Variants in TFAP2B observed in about 807,000 individuals in gnomAD.
TFAP2B encodes transcription factor AP-2-beta.
Under a neutral mutation model 44.3 loss-of-function variants are expected in TFAP2B, and 9 were observed. That is an observed-to-expected ratio of 0.20 (90% confidence interval 0.12 to 0.35). The LOEUF (loss-of-function observed/expected upper bound fraction) is 0.35, where lower values mean the gene tolerates loss of function less well. TFAP2B is among the 10% of genes least tolerant of loss of function. TFAP2B has a pLI of 1.00. For missense variants in TFAP2B, 509 were observed against 600.0 expected (o/e 0.85, Z 1.59); for synonymous variants, 270 against 263.8 (o/e 1.02, Z -0.23).
chr6:50,826,056 GCTCAACACAGAAGGATCCA>G (rs1770495286), intron 2 of TFAP2B, among the ~76,000 whole-genome samples: 1 of 152,170 alleles, frequency 6.6e-6, no homozygotes, highest in South Asian at 2.1e-4. Flanking sequence ...CCAATCATCT[GCTCAACACAGAAGGATCCA>G]CTTCCGAGTT....
At chr6:50,831,496 C>G (rs1468950135) in intron 3 of TFAP2B, among the ~76,000 whole-genome samples, 5 of 152,060 alleles carry the variant, frequency 3.3e-5, no homozygotes, top group African/African-American at 1.2e-4. Flanking sequence ...TTAAACTCTC[C>G]TAATCTAAAC....
chr6:50,836,324 CAAAA>C (rs997390569), intron 4 of TFAP2B, 44 bp downstream of exon 4: 2 of 1,517,260 alleles, frequency 1.3e-6, no homozygotes. Context: ...AAAAAACAAA[CAAAA>C]ACCCACCAGT....
In TFAP2B at chr6:50,824,973, G is replaced by A. The variant is rs9381904; in HGVS notation, c.540+1108G>A. Among the ~76,000 whole-genome samples the A allele has an allele frequency of 3.7e-4, 56 of 152,230 alleles. 1 individual carries two copies. In the East Asian group the frequency reaches 0.011, roughly 29 times the overall value. On this transcript the variant is annotated intron_variant, in intron 2 of 6. Coordinates refer to ENST00000393655, the MANE Select transcript of TFAP2B (RefSeq NM_003221.4). ...ATTATGCATCCTTTGACATACCTCT[G>A]AAGCAAAGGAAAATAAAATGGGAAA...
intron 5 of TFAP2B, 40 bp from the exon 6 acceptor site, chr6:50,840,116 C>T (rs779067627): frequency 1.2e-6 from 2 of 1,612,716 alleles, no homozygotes. Context: ...ATATTTAGGG[C>T]CTGGGTGCTG....
At chr6:50,837,084 T>C (rs1180993440) in intron 4 of TFAP2B, among the ~76,000 whole-genome samples, 3 of 152,220 alleles carry the variant, frequency 2.0e-5, no homozygotes, top group Non-Finnish European at 2.9e-5. Flanking sequence ...GACAAAACTT[T>C]CCAAGATGAC....
chr6:50,832,385 C>A (rs1213895954), intron 3 of TFAP2B, among the ~76,000 whole-genome samples: 2 of 152,170 alleles, frequency 1.3e-5, no homozygotes, highest in African/African-American at 2.4e-5. Flanking sequence ...TATAAGATGC[C>A]AATACTGGAT....
intron 1 of TFAP2B, among the ~76,000 whole-genome samples, chr6:50,820,169 C>T (rs1382609516): frequency 6.6e-6 from 1 of 152,200 alleles, no homozygotes; most frequent in East Asian, 1.9e-4. Context: ...GGGTGGCGGG[C>T]GCGGGCCGCT....
chr6:50,843,067 C>G (rs781595802), intron 6 of TFAP2B, 25 bp from the exon 7 acceptor site: 8 of 1,614,042 alleles, frequency 5.0e-6, no homozygotes, highest in Non-Finnish European at 8.5e-7. Context: ...GGGTGATTTT[C>G]TGTGCCTCGC....
In TFAP2B at chr6:50,823,944, G is replaced by A. The variant is rs548580819; in HGVS notation, c.540+79G>A. The A allele has an allele frequency of 4.2e-6, 6 of 1,431,696 alleles. No homozygotes were observed. The East Asian group carries it at 1.2e-4, about 29-fold the overall frequency. 88.7% of individuals were successfully genotyped at this position (1,431,696 alleles called of 1,614,324 possible). On this transcript the variant is annotated intron_variant, in intron 2 of 6. Transcript: ENST00000393655. ...TTCTGGAGGGGGGGAGGTCAGGAGA[G>A]GGCAGCTCTGTCTCTTTTTGGGGAG...
chr6:50,838,107 G>T lies in TFAP2B; in HGVS notation c.940+14G>T, dbSNP rs1254304090. 2 of 1,598,920 alleles carry T rather than the reference G, an allele frequency of 1.3e-6. No individual in the cohort carries two copies. The highest frequency in any genetic ancestry group is 1.7e-6 in the Non-Finnish European group (2 of 1,166,158). On this transcript the variant is annotated intron_variant, in intron 5 of 6. Coordinates refer to ENST00000393655, the MANE Select transcript of TFAP2B (RefSeq NM_003221.4). Reference sequence around the variant, plus strand: ...CCCTGGTGGAAGGTAAGCAAGACGTGTGGCCATTTCACGAAGTGGCTGAGC... The same window carrying T: ...CCCTGGTGGAAGGTAAGCAAGACGTTTGGCCATTTCACGAAGTGGCTGAGC...
At chr6:50,819,474 G>T (rs1012989347) in intron 1 of TFAP2B, among the ~76,000 whole-genome samples, 1 of 152,110 alleles carries the variant, frequency 6.6e-6, no homozygotes, top group Non-Finnish European at 1.5e-5. Context: ...TAGCGGGAAA[G>T]AAGTAGATGG....
intron 2 of TFAP2B, among the ~76,000 whole-genome samples, chr6:50,824,183 T>A (rs978949349): frequency 6.6e-6 from 1 of 152,244 alleles, no homozygotes. Context: ...TCAGCTACCA[T>A]CTCCTGCATA....
chr6:50,823,492 C>A lies in TFAP2B; in HGVS notation c.167C>A (p.Pro56Gln). The A allele has an allele frequency of 1.2e-6, 2 of 1,613,440 alleles. No individual in the cohort carries two copies. Among genetic ancestry groups the A allele is most frequent in the South Asian group, 2.2e-5 (2 of 90,954 alleles). Residue 56 changes from proline (P) to glutamine (Q), a missense_variant, in exon 2 of 7, where the codon CCG (proline) becomes CAG (glutamine). By Grantham distance (76) the Pro-to-Gln change is moderately conservative. This residue lies in a region of TFAP2B where 296 missense variants were observed against 308.2 expected (regional missense o/e 0.96). Transcript: ENST00000393655. ...CAAGGACCCTACTCGAGCGCCCCGC[C>A]GCTGTCCCACACCCCGTCGTCGGAC... ...VSQGPYSSAP[P>Q]LSHTPSSDFQ...
intron 2 of TFAP2B, 98 bp downstream of exon 2, chr6:50,823,963 TG>T: frequency 7.6e-7 from 1 of 1,324,198 alleles, no homozygotes; most frequent in Non-Finnish European, 1.0e-6. Context: ...TGTCTCTTTT[TG>T]GGGAGTTTGT....
chr6:50,824,003 CAT>C, intron 2 of TFAP2B, 138 bp downstream of exon 2: 1 of 944,270 alleles, frequency 1.1e-6, no homozygotes, highest in Non-Finnish European at 1.6e-6. Flanking sequence ...ACTAGACAGT[CAT>C]ATAGAACTGT....
In TFAP2B at chr6:50,823,545, T is replaced by C; in HGVS notation, c.220T>C (p.Tyr74His). 6.3e-7 allele frequency: 1 copy of C among 1,598,846 alleles called. No homozygotes were observed. Among genetic ancestry groups the C allele is most frequent in the Non-Finnish European group, 8.5e-7 (1 of 1,172,976 alleles). ...DFQPPYFPPP[Y>H]QPLPYHQSQD... The stretch of plus-strand genomic sequence containing the variant: ...CCAGCCGCCCTACTTCCCACCCCCC[T>C]ACCAGCCGCTCCCCTACCACCAGAG... Residue 74 changes from tyrosine (Y) to histidine (H), a missense_variant, in exon 2 of 7, where the codon TAC (tyrosine) becomes CAC (histidine). Physicochemically the swap from Tyr to His is moderately conservative, Grantham distance 83. Coordinates refer to ENST00000393655, the MANE Select transcript of TFAP2B (RefSeq NM_003221.4).
upstream of TFAP2B, chr6:50,818,700 A>G (rs1009904645): frequency 3.3e-6 from 2 of 599,442 alleles, no homozygotes; most frequent in South Asian, 2.0e-5. Context: ...GGTTGCATCT[A>G]ACTCCTGTGT....
chr6:50,836,437 G>T (rs2113950363), intron 4 of TFAP2B, among the ~76,000 whole-genome samples, 157 bp downstream of exon 4: 1 of 152,322 alleles, frequency 6.6e-6, no homozygotes, highest in Non-Finnish European at 1.5e-5. Flanking sequence ...TTGCTTTCGC[G>T]CAGCGCTTGG....
rs1323795420 is a variant in TFAP2B, at chr6:50,838,029, T to G, written c.876T>G (p.Gly292=). The G allele has an allele frequency of 6.2e-7, 1 of 1,613,884 alleles. No individual in the cohort carries two copies. The highest frequency in any genetic ancestry group is 2.2e-5 in the East Asian group (1 of 44,876). ...RSLRERLEKI[G]LNLPAGRRKA... is the part of the protein sequence containing the mutation. ...TGCGAGAAAGGCTAGAAAAAATCGG[T>G]TTGAATTTACCCGCGGGCAGGCGCA... Residue 292 remains glycine (G), a synonymous_variant, in exon 5 of 7, where the codon GGT becomes GGG. Transcript: ENST00000393655.
Sources: gnomAD v4.1 joint callset for allele counts (sites outside exome capture counted in the v4.1 genomes callset) on GRCh38, gnomAD v4.1.1 for gene constraint, gnomAD v4.1.1 regional missense constraint, MANE v1.5 for transcripts, NCBI Gene and HGNC (gene_info 2026-07-23, HGNC 2026-07-21) for gene names.